The following LRP12 variants were observed in gnomAD, a reference collection of about 807,000 sequenced individuals.
The protein encoded by LRP12 is LDL receptor related protein 12.
Under a neutral mutation model 66.0 loss-of-function variants are expected in LRP12, and 14 were observed. The ratio of observed to expected loss-of-function variants is 0.21; its 90% CI spans 0.14 to 0.33. LRP12 has a LOEUF of 0.33. Among genes scored for constraint, LRP12 ranks in the 10% least tolerant of loss-of-function variants. The probability of loss-of-function intolerance (pLI) is 1.00; values close to 1 mark genes in which losing one functional copy is unlikely to be tolerated. For missense variants in LRP12, 889 were observed against 1,053.4 expected (o/e 0.84, Z 2.16); for synonymous variants, 357 against 359.1 (o/e 0.99, Z 0.07).
intron 2 of LRP12, among the ~76,000 whole-genome samples, chr8:104,516,236 T>G (rs2140849102): frequency 6.6e-6 from 1 of 152,216 alleles, no homozygotes; most frequent in Non-Finnish European, 1.5e-5. Context: ...ATTCAAAAGA[T>G]AGCAACTTTC....
intron 6 of LRP12, among the ~76,000 whole-genome samples, chr8:104,492,357 A>T (rs1810648582): frequency 6.6e-6 from 1 of 152,194 alleles, no homozygotes; most frequent in South Asian, 2.1e-4. Context: ...GAACGAGTTT[A>T]GAGTTTGTTT....
intron 3 of LRP12, chr8:104,504,312 T>C (rs1810873025): frequency 6.6e-6 from 1 of 152,118 alleles, no homozygotes; most frequent in South Asian, 2.1e-4. Context: ...CTTTTTGTTT[T>C]ATTGAATTTT....
At chr8:104,558,857 G>A (rs1416493344) in intron 1 of LRP12, among the ~76,000 whole-genome samples, 1 of 151,900 alleles carries the variant, frequency 6.6e-6, no homozygotes, top group Non-Finnish European at 1.5e-5. Flanking sequence ...TGAAAAAAAT[G>A]CTCAACATCA....
chr8:104,518,366 T>C (rs988596036), intron 2 of LRP12, among the ~76,000 whole-genome samples: 6 of 152,082 alleles, frequency 3.9e-5, no homozygotes, highest in African/African-American at 1.2e-4. Flanking sequence ...ACAAAAAAGC[T>C]GTAAGTCTCA....
chr8:104,570,561 G>A (rs1324015556), intron 1 of LRP12, among the ~76,000 whole-genome samples: 1 of 152,126 alleles, frequency 6.6e-6, no homozygotes, highest in Non-Finnish European at 1.5e-5. Context: ...TGGAACAATT[G>A]GTGGTTATCC....
Position 104,491,100 on chromosome 8 carries a change from C to T in LRP12, c.2153G>A (p.Ser718Asn). 3 of 1,614,162 alleles carry T rather than the reference C, an allele frequency of 1.9e-6. No homozygotes were observed. The highest frequency in any genetic ancestry group is 2.2e-5 in the East Asian group (1 of 44,880). Residue 718 changes from serine (S) to asparagine (N), a missense_variant, in exon 7 of 7, where the codon AGT becomes AAT. This residue lies in a region of LRP12 where 800 missense variants were observed against 964.5 expected (regional missense o/e 0.83). Transcript: ENST00000276654. ...GRDVTSVEPP[S>N]VSPARHQLTS... The stretch of plus-strand genomic sequence containing the variant: ...AAGCTGGTGACGTGCTGGACTCACA[C>T]TTGGGGGTTCCACACTTGTCACATC...
intron 1 of LRP12, among the ~76,000 whole-genome samples, chr8:104,551,720 T>C (rs549645465): frequency 2.0e-5 from 3 of 152,322 alleles, no homozygotes; most frequent in Middle Eastern, 3.4e-3. Flanking sequence ...GTATTCCATA[T>C]ACATATGTAC....
At chr8:104,552,824 C>A (rs1025256044) in intron 1 of LRP12, among the ~76,000 whole-genome samples, 3 of 152,150 alleles carry the variant, frequency 2.0e-5, no homozygotes, top group Admixed American at 2.0e-4. Flanking sequence ...AGAACTACCA[C>A]AGAAACATAC....
At chr8:104,552,378 T>G (rs7837072) in intron 1 of LRP12, among the ~76,000 whole-genome samples, 4,818 of 151,184 alleles carry the variant, frequency 0.032, 238 homozygotes, top group African/African-American at 0.11. Context: ...TTTTGTTGTT[T>G]TTTTTTTTTT....
Position 104,497,862 on chromosome 8 carries a change from G to A in LRP12, c.690C>T (p.Tyr230=). ...ATTTTAAAGATTCGGGGAGGCAAGT[G>A]TAAACTTTGGTAAAACGGGATAAAC... ...FQCLSRFTKV[Y]TCLPESLKCD... is the part of the protein sequence containing the mutation. The change falls in exon 5 of 7, where the codon TAC becomes TAT. Residue 230 remains tyrosine, a synonymous_variant. Coordinates refer to ENST00000276654, the MANE Select transcript of LRP12 (RefSeq NM_013437.5). The surrounding 1 kb of genome is among the most constrained non-coding windows in gnomAD (Gnocchi z 4.3). 6.2e-7 allele frequency: 1 copy of A among 1,614,214 alleles called. No individual in the cohort carries two copies. The highest frequency in any genetic ancestry group is 2.2e-5 in the East Asian group (1 of 44,882).
At chr8:104,564,939 A>G (rs936955362) in intron 1 of LRP12, among the ~76,000 whole-genome samples, 7 of 152,090 alleles carry the variant, frequency 4.6e-5, no homozygotes, top group African/African-American at 1.7e-4. Context: ...TCAAAGAAAA[A>G]AAAAAAATCA....
At chr8:104,517,304 C>T (rs1008448696) in intron 2 of LRP12, among the ~76,000 whole-genome samples, 1 of 151,230 alleles carries the variant, frequency 6.6e-6, no homozygotes, top group African/African-American at 2.4e-5. Context: ...CGACCAAAAA[C>T]CTATATTATA....
chr8:104,588,993 G>T lies in LRP12; in HGVS notation c.-96C>A, dbSNP rs1812390387. Reference sequence around the variant, plus strand: ...CGACGCCGCCGCCGCCGCCGCCGCCGCCGCCGAGCCACCGGCTGCTCCCTG... The same window carrying T: ...CGACGCCGCCGCCGCCGCCGCCGCCTCCGCCGAGCCACCGGCTGCTCCCTG... On this transcript the variant is annotated 5_prime_UTR_variant, in exon 1 of 7. Coordinates refer to ENST00000276654, the MANE Select transcript of LRP12 (RefSeq NM_013437.5). The T allele has an allele frequency of 3.3e-6, 3 of 904,870 alleles. No individual in the cohort carries two copies. Among genetic ancestry groups the T allele is most frequent in the Admixed American group, 5.7e-5 (2 of 34,994 alleles). 56.1% of individuals were successfully genotyped at this position (904,870 alleles called of 1,614,324 possible).
At chr8:104,557,081 G>A (rs760100753) in intron 1 of LRP12, among the ~76,000 whole-genome samples, 39 of 151,966 alleles carry the variant, frequency 2.6e-4, no homozygotes, top group East Asian at 7.7e-4. Context: ...ATTAAAACCC[G>A]CAGTGGAATC....
chr8:104,524,851 T>C (rs1811206503), intron 2 of LRP12, among the ~76,000 whole-genome samples: 1 of 152,140 alleles, frequency 6.6e-6, no homozygotes, highest in African/African-American at 2.4e-5. Flanking sequence ...AAATTATTTC[T>C]AGAATATCCT....
At chr8:104,551,801 C>T (rs1381405320) in intron 1 of LRP12, among the ~76,000 whole-genome samples, 2 of 152,290 alleles carry the variant, frequency 1.3e-5, no homozygotes, top group Middle Eastern at 6.8e-3. Flanking sequence ...TTCTCCCCTT[C>T]TTTCTTCTCT....
intron 1 of LRP12, among the ~76,000 whole-genome samples, chr8:104,534,392 T>C (rs1359638293): frequency 2.0e-5 from 3 of 152,066 alleles, no homozygotes; most frequent in Non-Finnish European, 4.4e-5. Flanking sequence ...AAGATTTGAA[T>C]TGTATACTTT....
chr8:104,571,870 C>A (rs2140894613), intron 1 of LRP12, among the ~76,000 whole-genome samples: 1 of 152,306 alleles, frequency 6.6e-6, no homozygotes, highest in East Asian at 1.9e-4. Context: ...CCCACCAGGT[C>A]TGCAGAAAAA....
intron 1 of LRP12, among the ~76,000 whole-genome samples, chr8:104,548,352 TAATATATA>T (rs1811658500): frequency 4.0e-5 from 2 of 50,340 alleles, no homozygotes; most frequent in African/African-American, 1.1e-4. Flanking sequence ...TATAAATATA[TAATATATA>T]TTATATAAAT....
Sources: allele counts gnomAD v4.1 joint callset (sites outside exome capture counted in the v4.1 genomes callset), GRCh38; gene constraint gnomAD v4.1.1; regional missense constraint gnomAD v4.1.1; non-coding constraint Gnocchi (gnomAD v3.1); transcripts MANE v1.5; gene names NCBI Gene and HGNC (gene_info 2026-07-23, HGNC 2026-07-21).